The following HCN4 variants were observed in gnomAD, a reference collection of about 807,000 sequenced individuals.
HCN4 encodes potassium/sodium hyperpolarization-activated cyclic nucleotide-gated channel 4.
Under a neutral mutation model 76.9 loss-of-function variants are expected in HCN4, and 29 were observed. That is an observed-to-expected ratio of 0.38 (90% CI 0.28 to 0.51). The LOEUF (loss-of-function observed/expected upper bound fraction) is 0.51, where lower values mean the gene tolerates loss of function less well. Ranked by LOEUF, HCN4 falls within the 20% of genes least tolerant of loss-of-function variation. The pLI is 0.90. For missense variants in HCN4, 1,416 were observed against 1,715.2 expected (o/e 0.83, Z 3.08); for synonymous variants, 772 against 762.5 (o/e 1.01, Z -0.21).
intron 4 of HCN4, among the ~76,000 whole-genome samples, chr15:73,329,101 C>A (rs111851799): frequency 1.3e-5 from 2 of 152,142 alleles, no homozygotes; most frequent in East Asian, 3.9e-4. Context: ...GGGCCCCAGA[C>A]AGAGGGAGGG....
intron 1 of HCN4, among the ~76,000 whole-genome samples, chr15:73,347,616 G>C (rs866799530): frequency 2.0e-5 from 3 of 152,184 alleles, no homozygotes; most frequent in African/African-American, 4.8e-5. Flanking sequence ...GGAAGGAAGA[G>C]TAACATTTCC....
chr15:73,348,175 T>C (rs1306268460), intron 1 of HCN4, among the ~76,000 whole-genome samples: 1 of 152,192 alleles, frequency 6.6e-6, no homozygotes, highest in Non-Finnish European at 1.5e-5. Context: ...AGGTGGCTGA[T>C]ACTGAACTCG....
At position 73,322,484 on chromosome 15, in the gene HCN4, T is replaced by C. The variant is rs560268041; in HGVS notation, c.3609A>G (p.Leu1203=). ...EPVRSKLPSN[L] The stretch of plus-strand genomic sequence containing the variant: ...AAGAGGGAAGGAAGGGCCCAGCTCA[T>C]AGATTGGATGGCAGTTTGGAGCGCA... Residue 1203 remains leucine (L), a synonymous_variant, in exon 8 of 8, where the codon CTA becomes CTG. Transcript: ENST00000261917. 5.0e-6 allele frequency: 8 copies of C among 1,589,858 alleles called. No homozygotes were observed. Among genetic ancestry groups the C allele is most frequent in the Admixed American group, 3.5e-5 (2 of 56,806 alleles).
At position 73,325,554 on chromosome 15, in the gene HCN4, TG is replaced by T. The variant is rs1247180276; in HGVS notation, c.1591-111del. 8.2e-6 allele frequency: 9 copies of T among 1,098,816 alleles called. No homozygotes were observed. The African/African-American group carries it at 1.4e-4, about 17-fold the overall frequency. 68.1% of individuals were successfully genotyped at this position (1,098,816 alleles called of 1,614,324 possible). A position where few individuals can be genotyped will look rare whatever the true frequency, so the allele number is the denominator to read the frequency against. On this transcript the variant is annotated intron_variant, in intron 4 of 7. Transcript: ENST00000261917. The surrounding 1 kb of genome is among the most constrained non-coding windows in gnomAD (Gnocchi z 7.4). ...CGGGCACCCACCCCGGGGGATTTCC[TG>T]GCTAAACTTGGTTCCTTGAGATCTG...
chr15:73,357,965 T>C (rs2043088665), intron 1 of HCN4, among the ~76,000 whole-genome samples: 1 of 152,226 alleles, frequency 6.6e-6, no homozygotes, highest in Non-Finnish European at 1.5e-5. Context: ...TGGCTCTATT[T>C]GTGCTAATGG....
At position 73,343,379 on chromosome 15, in the gene HCN4, AC is replaced by A; in HGVS notation, c.1209+5del. On this transcript the variant is annotated splice_donor_5th_base_variant and intron_variant, in intron 2 of 7. Coordinates refer to ENST00000261917, the MANE Select transcript of HCN4 (RefSeq NM_005477.3). The surrounding 1 kb of genome is among the most constrained non-coding windows in gnomAD (Gnocchi z 5.7). Reference sequence around the variant, plus strand: ...TTCCCCCAAGAGGTTTGCACTGACCACTTACCTCTTCCCACTGGTGAATATA... The same window carrying A: ...TTCCCCCAAGAGGTTTGCACTGACCATTACCTCTTCCCACTGGTGAATATA... 1 of 1,613,784 alleles carries A rather than the reference AC, an allele frequency of 6.2e-7. No individual in the cohort carries two copies. The highest frequency in any genetic ancestry group is 8.5e-7 in the Non-Finnish European group (1 of 1,179,836).
At position 73,343,479 on chromosome 15, in the gene HCN4, C is replaced by G; in HGVS notation, c.1115G>C (p.Arg372Pro). ...CGTGAAGCGGACAATGCGCAGGGCC[C>G]GGGCAGTCTTGTAGACCTCCGAGTC... is the stretch of plus-strand genomic sequence containing the variant. ...RIDSEVYKTA[R>P]ALRIVRFTKI... The change falls in exon 2 of 8, where the codon CGG (arginine) becomes CCG (proline). Residue 372 changes from arginine (R) to proline (P), a missense_variant. By Grantham distance (103) the Arg-to-Pro change is moderately radical. Coordinates refer to ENST00000261917, the MANE Select transcript of HCN4 (RefSeq NM_005477.3). This position sits in a 1 kb window ranked among gnomAD's most constrained non-coding sequence, Gnocchi z 5.7. 6.2e-7 allele frequency: 1 copy of G among 1,614,180 alleles called. No homozygotes were observed. The highest frequency in any genetic ancestry group is 8.5e-7 in the Non-Finnish European group (1 of 1,180,034).
chr15:73,331,138 G>C (rs959478090), intron 3 of HCN4, among the ~76,000 whole-genome samples: 3 of 152,148 alleles, frequency 2.0e-5, no homozygotes, highest in African/African-American at 7.2e-5. Context: ...ACACAGAAAG[G>C]CTCACAGATC....
In HCN4 at chr15:73,345,666, C is replaced by T. The variant is rs74895158; in HGVS notation, c.786-1858G>A. ...CTGTGTACACTCATTAGATGCCACA[C>T]GCAGGTATCCCCATTCACACACACA... On this transcript the variant is annotated intron_variant, in intron 1 of 7. Transcript: ENST00000261917. Among the ~76,000 whole-genome samples the T allele has an allele frequency of 0.012, 1,824 of 152,290 alleles. 73 individuals are homozygous for T. In the East Asian group the frequency reaches 0.14, roughly 12 times the overall value.
At chr15:73,355,439 C>T (rs2043073558) in intron 1 of HCN4, among the ~76,000 whole-genome samples, 1 of 152,142 alleles carries the variant, frequency 6.6e-6, no homozygotes, top group South Asian at 2.1e-4. Flanking sequence ...AGATTGACAG[C>T]TCACTCACGG....
chr15:73,323,490 G>T lies in HCN4; in HGVS notation c.2603C>A (p.Pro868His). The T allele has an allele frequency of 6.2e-7, 1 of 1,603,942 alleles. No individual in the cohort carries two copies. Among genetic ancestry groups the T allele is most frequent in the Non-Finnish European group, 8.5e-7 (1 of 1,179,780 alleles). Reference sequence around the variant, plus strand: ...GGGCAGGAGTGGGCTCAGTCCAGCGGGGGCAGAGAATCCAGCCAGCTGTTG... The same window carrying T: ...GGGCAGGAGTGGGCTCAGTCCAGCGTGGGCAGAGAATCCAGCCAGCTGTTG... ...HIQQLAGFSA[P>H]AGLSPLLPSS... The change falls in exon 8 of 8, where the codon CCC becomes CAC. Residue 868 changes from proline to histidine, a missense_variant. Pro to His is a moderately conservative substitution (Grantham distance 77). This residue lies in a region of HCN4 where 633 missense variants were observed against 579.8 expected (regional missense o/e 1.09). Coordinates refer to ENST00000261917, the MANE Select transcript of HCN4 (RefSeq NM_005477.3).
intron 1 of HCN4, among the ~76,000 whole-genome samples, chr15:73,356,136 G>A (rs2043078303): frequency 6.6e-6 from 1 of 152,036 alleles, no homozygotes; most frequent in Non-Finnish European, 1.5e-5. Flanking sequence ...CAGGCTTGAG[G>A]GGCAACATGA....
At position 73,344,779 on chromosome 15, in the gene HCN4, C is replaced by A. The variant is rs1317412316; in HGVS notation, c.786-971G>T. 2.6e-5 allele frequency among the ~76,000 whole-genome samples: 4 copies of A among 152,248 alleles called. No individual in the cohort carries two copies. In the East Asian group the frequency reaches 7.8e-4, roughly 30 times the overall value. ...CAGGTCTGTGGTGGGTTTCTCCCAACTCACCAAGCAGGGGGCCTTCTGGAG... is the reference window on the plus strand; with the variant it reads ...CAGGTCTGTGGTGGGTTTCTCCCAAATCACCAAGCAGGGGGCCTTCTGGAG... On this transcript the variant is annotated intron_variant, in intron 1 of 7. Transcript: ENST00000261917.
rs556291708 is a variant in HCN4 at position 73,334,303 on chromosome 15, T to C, written c.1210-2011A>G. Among the ~76,000 whole-genome samples, 10 of 152,086 alleles carry C rather than the reference T, an allele frequency of 6.6e-5. No individual in the cohort carries two copies. In the East Asian group the frequency reaches 1.9e-3, roughly 29 times the overall value. ...GTCTGTGGCTGGGCTGGGGCCTGGG[T>C]CTGGGACACAGAGCAGATCTGATTA... On this transcript the variant is annotated intron_variant, in intron 2 of 7. Coordinates refer to ENST00000261917, the MANE Select transcript of HCN4 (RefSeq NM_005477.3).
In HCN4 at chr15:73,323,292, C is replaced by A. The variant is rs369485237; in HGVS notation, c.2801G>T (p.Arg934Leu). ...PLLTPLQPGA[R>L]SPQAAQPSPA... ...AGATGGCTGGGCAGCCTGCGGGGAGCGGGCGCCTGGCTGCAGCGGGGTGAG... is the reference window on the plus strand; with the variant it reads ...AGATGGCTGGGCAGCCTGCGGGGAGAGGGCGCCTGGCTGCAGCGGGGTGAG... The change falls in exon 8 of 8, where the codon CGC (arginine) becomes CTC (leucine). Residue 934 changes from arginine (R) to leucine (L), a missense_variant. By Grantham distance (102) the Arg-to-Leu change is moderately radical. This residue lies in a region of HCN4 where 633 missense variants were observed against 579.8 expected (regional missense o/e 1.09). Coordinates refer to ENST00000261917, the MANE Select transcript of HCN4 (RefSeq NM_005477.3). 6.5e-7 allele frequency: 1 copy of A among 1,537,784 alleles called. No individual in the cohort carries two copies. The highest frequency in any genetic ancestry group is 8.8e-7 in the Non-Finnish European group (1 of 1,140,522).
Position 73,367,318 on chromosome 15 carries a change from C to G in HCN4, c.785+168G>C, listed in dbSNP as rs1388161055. ...AACCCAGAGGAAAGTTCCCCCAGCG[C>G]GGTGCAGGAGGGGGCCTGGGGGTGT... On this transcript the variant is annotated intron_variant, in intron 1 of 7. Coordinates refer to ENST00000261917, the MANE Select transcript of HCN4 (RefSeq NM_005477.3). This position sits in a 1 kb window ranked among gnomAD's most constrained non-coding sequence, Gnocchi z 7.5. Among the ~76,000 whole-genome samples the G allele has an allele frequency of 6.6e-6, 1 of 152,068 alleles. No homozygotes were observed. The highest frequency in any genetic ancestry group is 1.9e-4 in the East Asian group (1 of 5,166).
Position 73,368,478 on chromosome 15 carries a change from A to G in HCN4, c.-208T>C. 2.8e-6 allele frequency: 1 copy of G among 355,272 alleles called. No homozygotes were observed. The highest frequency in any genetic ancestry group is 5.0e-6 in the Non-Finnish European group (1 of 200,240). 22.0% of individuals were successfully genotyped at this position (355,272 alleles called of 1,614,324 possible). ...CGAGTCCCCGGGCTCGCCGCGCTAC[A>G]CCTCCTCCCGGGCCCGGCTGGGCGC... is the stretch of plus-strand genomic sequence containing the variant. On this transcript the variant is annotated 5_prime_UTR_variant, in exon 1 of 8. Coordinates refer to ENST00000261917, the MANE Select transcript of HCN4 (RefSeq NM_005477.3). This position sits in a 1 kb window ranked among gnomAD's most constrained non-coding sequence, Gnocchi z 6.9.
intron 1 of HCN4, among the ~76,000 whole-genome samples, chr15:73,353,043 T>TGGAC (rs2043062076): frequency 6.6e-6 from 1 of 151,832 alleles, no homozygotes; most frequent in Admixed American, 6.6e-5. Context: ...GATGGATGGA[T>TGGAC]GGATGGACGG....
chr15:73,368,076 C>T lies in HCN4; in HGVS notation c.195G>A (p.Thr65=), dbSNP rs1219260481. The T allele has an allele frequency of 1.3e-6, 2 of 1,487,364 alleles. No homozygotes were observed. The highest frequency in any genetic ancestry group is 1.3e-5 in the South Asian group (1 of 79,276). The allele number at this position is 1,487,364 out of a possible 1,614,324, so 92.1% of individuals were successfully genotyped here. The change falls in exon 1 of 8, where the codon ACG becomes ACA. Residue 65 remains threonine, a synonymous_variant. Coordinates refer to ENST00000261917, the MANE Select transcript of HCN4 (RefSeq NM_005477.3). The surrounding 1 kb of genome is among the most constrained non-coding windows in gnomAD (Gnocchi z 6.9). ...CCCCGAGGGCCGAGCTCCGGGACTC[C>T]GTGCCACCCGCGGCCGCCGAGGGGG... ...SPSPSAAAGG[T]ESRSSALGAA... is the part of the protein sequence containing the mutation.
Sources: gnomAD v4.1 joint callset for allele counts (sites outside exome capture counted in the v4.1 genomes callset) on GRCh38, gnomAD v4.1.1 for gene constraint, gnomAD v4.1.1 regional missense constraint, Gnocchi (gnomAD v3.1) non-coding constraint, MANE v1.5 for transcripts, NCBI Gene and HGNC (gene_info 2026-07-23, HGNC 2026-07-21) for gene names.